Variants in XPO7 observed in about 807,000 individuals in gnomAD.
The protein encoded by XPO7 is exportin-7.
Under a neutral mutation model 144.3 loss-of-function variants are expected in XPO7, and 21 were observed. The ratio of observed to expected loss-of-function variants is 0.15; its 90% CI spans 0.10 to 0.21. The LOEUF (loss-of-function observed/expected upper bound fraction) is 0.21, where lower values mean the gene tolerates loss of function less well. Among genes scored for constraint, XPO7 ranks in the 10% least tolerant of loss-of-function variants. The pLI is 1.00. For missense variants in XPO7, 808 were observed against 1,325.8 expected (o/e 0.61, Z 6.06); for synonymous variants, 580 against 499.6 (o/e 1.16, Z -2.15).
intron 7 of XPO7, among the ~76,000 whole-genome samples, chr8:21,976,790 A>G (rs1347719503): frequency 6.6e-6 from 1 of 152,190 alleles, no homozygotes; most frequent in Admixed American, 6.5e-5. Flanking sequence ...AGTATCTGGA[A>G]CTACAGGCAC....
intron 1 of XPO7, among the ~76,000 whole-genome samples, chr8:21,957,774 T>C (rs938429202): frequency 6.6e-6 from 1 of 152,174 alleles, no homozygotes; most frequent in African/African-American, 2.4e-5. Flanking sequence ...TCCCAGTCCA[T>C]GCACTGTGCT....
intron 1 of XPO7, among the ~76,000 whole-genome samples, chr8:21,954,257 G>T (rs1585436908): frequency 6.6e-6 from 1 of 152,124 alleles, no homozygotes; most frequent in African/African-American, 2.4e-5. Context: ...TTTAAATGGA[G>T]GTTTTAATAG....
Position 21,999,300 on chromosome 8 carries a change from C to A in XPO7, c.2638C>A (p.Leu880Ile). ...KLLLSIPHSD[L>I]LDYPKLSQSY... Reference sequence around the variant, plus strand: ...GCTCCTCTCTATTCCTCACAGTGATCTCTTGGTAAGCCTTACGCTGCATTG... The same window carrying A: ...GCTCCTCTCTATTCCTCACAGTGATATCTTGGTAAGCCTTACGCTGCATTG... Residue 880 changes from leucine (L) to isoleucine (I), a missense_variant, in exon 23 of 28, where the codon CTC (leucine) becomes ATC (isoleucine). Leu to Ile is a conservative substitution (Grantham distance 5). Around this residue, in one of 5 missense-constraint regions of XPO7, gnomAD observed 416 missense variants for 612.5 expected, o/e 0.68. Coordinates refer to ENST00000252512, the MANE Select transcript of XPO7 (RefSeq NM_015024.5). 1 of 1,612,762 alleles carries A rather than the reference C, an allele frequency of 6.2e-7. No homozygotes were observed. The highest frequency in any genetic ancestry group is 8.5e-7 in the Non-Finnish European group (1 of 1,179,874).
intron 2 of XPO7, among the ~76,000 whole-genome samples, chr8:21,968,835 TCCGTAAGGTTAAAACTTGTTAAA>T (rs1464942295): frequency 2.0e-5 from 3 of 152,332 alleles, no homozygotes; most frequent in African/African-American, 7.2e-5. Context: ...GCTTTGAGTC[TCCGTAAGGTTAAAACTTGTTAAA>T]CCCACATTTG....
intron 19 of XPO7, 145 bp downstream of exon 19, chr8:21,992,119 T>C (rs1419978550): frequency 5.6e-6 from 3 of 533,412 alleles, no homozygotes; most frequent in Non-Finnish European, 6.5e-6. Flanking sequence ...GCAGAACCAG[T>C]ATAGATTTGT....
chr8:22,001,391 C>G (rs1373463857), intron 24 of XPO7, among the ~76,000 whole-genome samples: 1 of 152,052 alleles, frequency 6.6e-6, no homozygotes, highest in African/African-American at 2.4e-5. Context: ...GACTTGTTTA[C>G]TCTTTTAAGG....
intron 15 of XPO7, 26 bp from the exon 16 acceptor site, chr8:21,988,977 C>CT (rs745752139): frequency 4.7e-3 from 6,400 of 1,357,338 alleles, no homozygotes; most frequent in Admixed American, 5.1e-3. Flanking sequence ...GGGTCTCCTG[C>CT]TTTTTTTTTT....
chr8:21,957,642 A>G (rs1166552687), intron 1 of XPO7, among the ~76,000 whole-genome samples: 1 of 152,166 alleles, frequency 6.6e-6, no homozygotes, highest in East Asian at 1.9e-4. Flanking sequence ...TAGATATGTG[A>G]TCAATCTGCC....
chr8:21,932,530 T>C (rs1007320619), intron 1 of XPO7, among the ~76,000 whole-genome samples: 2 of 152,230 alleles, frequency 1.3e-5, no homozygotes, highest in East Asian at 3.8e-4. Context: ...GTTTCGAGTT[T>C]CTTATGCTTC....
In XPO7 at chr8:21,926,693, A is replaced by G. The variant is rs539072750; in HGVS notation, c.18+6905A>G. On this transcript the variant is annotated intron_variant, in intron 1 of 27. Coordinates refer to ENST00000252512, the MANE Select transcript of XPO7 (RefSeq NM_015024.5). ...AACTTGAAACATAAAGTTTGCTCTG[A>G]AAAAGATCTGGGAAACCTGATGTAT... 1.2e-4 allele frequency among the ~76,000 whole-genome samples: 18 copies of G among 152,310 alleles called. No homozygotes were observed. In the East Asian group the frequency reaches 3.5e-3, roughly 29 times the overall value.
At chr8:21,967,581 C>T (rs1342052461) in intron 2 of XPO7, among the ~76,000 whole-genome samples, 3 of 152,092 alleles carry the variant, frequency 2.0e-5, no homozygotes, top group Non-Finnish European at 4.4e-5. Flanking sequence ...GATCCACCCG[C>T]CTCGGCCTCC....
chr8:21,922,190 G>C (rs1289851945), intron 1 of XPO7, among the ~76,000 whole-genome samples: 2 of 152,138 alleles, frequency 1.3e-5, no homozygotes, highest in African/African-American at 4.8e-5. Flanking sequence ...ACCAGGGTGA[G>C]CAGTTTTTTC....
At chr8:21,999,442 C>T in intron 23 of XPO7, 94 bp from the exon 24 acceptor site, 1 of 1,577,148 alleles carries the variant, frequency 6.3e-7, no homozygotes, top group Non-Finnish European at 8.6e-7. Flanking sequence ...TTCTGTTTTC[C>T]CACCTAAAAG....
rs1007290133 is a variant in XPO7, at chr8:21,999,156, A to G, written c.2494A>G (p.Ile832Val). Residue 832 changes from isoleucine (I) to valine (V), a missense_variant, in exon 23 of 28, where the codon ATC (isoleucine) becomes GTC (valine). Physicochemically the swap from Ile to Val is conservative, Grantham distance 29. Transcript: ENST00000252512. Reference protein sequence around the residue: ...DQVYALKLKGISICFSMLKAA... With the variant: ...DQVYALKLKGVSICFSMLKAA... ...GGTCTATGCTCTGAAGCTCAAGGGC[A>G]TCTCCATCTGCTTCTCCATGCTGAA... 60 of 1,613,824 alleles carry G rather than the reference A, an allele frequency of 3.7e-5. No individual in the cohort carries two copies. The highest frequency in any genetic ancestry group is 4.9e-5 in the Non-Finnish European group (58 of 1,179,888).
At chr8:21,985,504 T>C in intron 12 of XPO7, 82 bp from the exon 13 acceptor site, 1 of 1,295,184 alleles carries the variant, frequency 7.7e-7, no homozygotes. Flanking sequence ...CACAGTGTTC[T>C]TAAGATTAAG....
chr8:21,991,290 G>A (rs374330546), intron 18 of XPO7, among the ~76,000 whole-genome samples: 7 of 152,172 alleles, frequency 4.6e-5, no homozygotes, highest in Non-Finnish European at 8.8e-5. Flanking sequence ...TTATTATCCA[G>A]TTTTCTAGCA....
chr8:21,952,813 A>G (rs551737743), intron 1 of XPO7, among the ~76,000 whole-genome samples: 67 of 152,352 alleles, frequency 4.4e-4, no homozygotes, highest in African/African-American at 1.5e-3. Context: ...CATGAAAGCT[A>G]AGATACAAAA....
At chr8:21,998,880 C>T in intron 22 of XPO7, 43 bp downstream of exon 22, 4 of 1,598,632 alleles carry the variant, frequency 2.5e-6, no homozygotes, top group Non-Finnish European at 3.4e-6. Context: ...TTAATTCCAG[C>T]TCAGTCACCA....
In XPO7 at chr8:21,984,153, G is replaced by T. The variant is rs141614017; in HGVS notation, c.1278-493G>T. ...TATTCATAAGTTTTGCTACAGGAAC[G>T]TTGAGTTTGATGTGCCACAAAGCCC... On this transcript the variant is annotated intron_variant, in intron 11 of 27. Transcript: ENST00000252512. Among the ~76,000 whole-genome samples, 718 of 152,166 alleles carry T rather than the reference G, an allele frequency of 4.7e-3. 6 individuals are homozygous for T. Among genetic ancestry groups the T allele is most frequent in the African/African-American group, 0.016 (678 of 41,498 alleles).
Sources: gnomAD v4.1 joint callset for allele counts (sites outside exome capture counted in the v4.1 genomes callset) on GRCh38, gnomAD v4.1.1 for gene constraint, gnomAD v4.1.1 regional missense constraint, MANE v1.5 for transcripts, NCBI Gene and HGNC (gene_info 2026-07-23, HGNC 2026-07-21) for gene names.